DNAAF5: variants seen among roughly 807,000 people sequenced by gnomAD.
The protein encoded by DNAAF5 is HEAT repeat containing 2.
Under a neutral mutation model 75.8 loss-of-function variants are expected in DNAAF5, and 64 were observed. The ratio of observed to expected loss-of-function variants is 0.84; its 90% CI spans 0.69 to 1.04. The LOEUF (loss-of-function observed/expected upper bound fraction) is 1.04. Ranked by LOEUF, DNAAF5 falls within the 50% of genes least tolerant of loss-of-function variation. DNAAF5 has a pLI of 0.00. For missense variants in DNAAF5, 1,269 were observed against 1,178.5 expected, an observed-to-expected ratio of 1.08 and a Z score of -1.12; for synonymous variants, 657 against 557.2, an observed-to-expected ratio of 1.18 and a Z score of -2.52.
intron 2 of DNAAF5, among the ~76,000 whole-genome samples, chr7:740,394 GCTGT>G (rs1781866839): frequency 6.6e-6 from 1 of 152,200 alleles, no homozygotes; most frequent in Non-Finnish European, 1.5e-5. Flanking sequence ...CACCACACTT[GCTGT>G]AGCCACGGCT....
intron 7 of DNAAF5, among the ~76,000 whole-genome samples, chr7:762,128 C>T (rs1238155404): frequency 6.6e-6 from 1 of 152,168 alleles, no homozygotes; most frequent in Non-Finnish European, 1.5e-5. Context: ...TTAGGGTCTT[C>T]AGCAAAGAAG....
Position 754,081 on chromosome 7 carries a change from T to C in DNAAF5, c.1025-508T>C, listed in dbSNP as rs949098223. Among the ~76,000 whole-genome samples, 1 of 152,056 alleles carries C rather than the reference T, an allele frequency of 6.6e-6. No individual in the cohort carries two copies. The highest frequency in any genetic ancestry group is 1.5e-5 in the Non-Finnish European group (1 of 68,004). ...TCGCAGGCGTGTGTCTCTCTGATCA[T>C]AGGGGGACGGCTTCGCAGGCGTGTC... On this transcript the variant is annotated intron_variant, in intron 4 of 12. Coordinates refer to ENST00000297440, the MANE Select transcript of DNAAF5 (RefSeq NM_017802.4). The surrounding 1 kb of genome is among the most constrained non-coding windows in gnomAD (Gnocchi z 4.8).
chr7:763,575 C>T (rs1032499232), intron 7 of DNAAF5, among the ~76,000 whole-genome samples: 1 of 152,232 alleles, frequency 6.6e-6, no homozygotes, highest in Admixed American at 6.5e-5. Flanking sequence ...CTTCATGATT[C>T]GCTGCAGAGA....
Position 740,826 on chromosome 7 carries a change from G to T in DNAAF5, c.788G>T (p.Arg263Leu), listed in dbSNP as rs201059622. The change falls in exon 3 of 13, where the codon CGG becomes CTG. Residue 263 changes from arginine to leucine, a missense_variant. Transcript: ENST00000297440. ...CCTTCCTCTCATGCGCAGGTCCGGC[G>T]GGCGGTGGCCTCCGTGGTGGGCGGC... ...RLFDDVPQVRRAVASVVGGWL... is the reference protein window; with the variant it reads ...RLFDDVPQVRLAVASVVGGWL... 4 of 1,613,652 alleles carry T rather than the reference G, an allele frequency of 2.5e-6. No individual in the cohort carries two copies. In the African/African-American group the frequency reaches 5.3e-5, roughly 22 times the overall value.
intron 4 of DNAAF5, among the ~76,000 whole-genome samples, chr7:747,035 G>C (rs1782138652): frequency 6.6e-6 from 1 of 152,260 alleles, no homozygotes; most frequent in Non-Finnish European, 1.5e-5. Flanking sequence ...GTCACCAGCA[G>C]GGGCATATTC....
chr7:780,567 C>G (rs1466116554), intron 12 of DNAAF5, among the ~76,000 whole-genome samples: 2 of 152,244 alleles, frequency 1.3e-5, no homozygotes, highest in Non-Finnish European at 2.9e-5. Context: ...GTGTATGGCT[C>G]TGGCTGAAAT....
chr7:747,671 A>G lies in DNAAF5; in HGVS notation c.1024+6206A>G, dbSNP rs192883668. On this transcript the variant is annotated intron_variant, in intron 4 of 12. Transcript: ENST00000297440. ...AGTGTTGGTGGGGTTTGCTGGTTTCAGTGTGTCCGGCTGGTGTGCAGTGGT... is the reference window on the plus strand; with the variant it reads ...AGTGTTGGTGGGGTTTGCTGGTTTCGGTGTGTCCGGCTGGTGTGCAGTGGT... 2.6e-3 allele frequency among the ~76,000 whole-genome samples: 373 copies of G among 145,040 alleles called. 6 individuals are homozygous for G. Among genetic ancestry groups the G allele is most frequent in the African/African-American group, 8.9e-3 (344 of 38,652 alleles).
intron 4 of DNAAF5, among the ~76,000 whole-genome samples, chr7:747,308 C>T (rs1439789128): frequency 2.6e-5 from 4 of 152,202 alleles, no homozygotes; most frequent in African/African-American, 9.7e-5. Flanking sequence ...TTTAGTGTGT[C>T]GGTTGGTGTG....
intron 2 of DNAAF5, among the ~76,000 whole-genome samples, chr7:732,805 G>C (rs1377492360): frequency 6.6e-6 from 1 of 152,118 alleles, no homozygotes; most frequent in Admixed American, 6.6e-5. Flanking sequence ...ACTATTGATT[G>C]TTTTATTTGC....
chr7:754,887 G>A lies in DNAAF5; in HGVS notation c.1257+66G>A. 2 of 1,255,804 alleles carry A rather than the reference G, an allele frequency of 1.6e-6. No individual in the cohort carries two copies. Among genetic ancestry groups the A allele is most frequent in the South Asian group, 1.4e-5 (1 of 70,886 alleles). 77.8% of individuals were successfully genotyped at this position (1,255,804 alleles called of 1,614,324 possible). ...TCGAGCTTAAGATCCCGCCTCTGTG[G>A]TGTGCGGGGCCCGAGGCTGTACTGT... is the stretch of plus-strand genomic sequence containing the variant. On this transcript the variant is annotated intron_variant, in intron 5 of 12. Coordinates refer to ENST00000297440, the MANE Select transcript of DNAAF5 (RefSeq NM_017802.4). The surrounding 1 kb of genome is among the most constrained non-coding windows in gnomAD (Gnocchi z 4.8).
chr7:745,856 T>C (rs1782083800), intron 4 of DNAAF5, among the ~76,000 whole-genome samples: 1 of 152,238 alleles, frequency 6.6e-6, no homozygotes, highest in African/African-American at 2.4e-5. Flanking sequence ...GGAGGCTGCC[T>C]GATTTAGAAT....
intron 5 of DNAAF5, among the ~76,000 whole-genome samples, chr7:756,334 G>A (rs1304346167): frequency 1.4e-5 from 2 of 139,600 alleles, no homozygotes; most frequent in African/African-American, 2.7e-5. Context: ...ATCCGCTGTG[G>A]AATCCCACGG....
Position 763,916 on chromosome 7 carries a change from T to C in DNAAF5, c.1725T>C (p.Leu575=). 6.2e-7 allele frequency: 1 copy of C among 1,611,296 alleles called. No individual in the cohort carries two copies. The change falls in exon 8 of 13, where the codon CTT becomes CTC. Residue 575 remains leucine (L), a synonymous_variant. Transcript: ENST00000297440. The stretch of plus-strand genomic sequence containing the variant: ...TGGAGCGGGTGACCGCGTCGCACCT[T>C]GACTGGACCGCACACTCGCCGGAGC... ...PLLERVTASH[L]DWTAHSPELL...
At chr7:734,910 AGT>A (rs976852087) in intron 2 of DNAAF5, among the ~76,000 whole-genome samples, 55 of 149,820 alleles carry the variant, frequency 3.7e-4, no homozygotes, top group African/African-American at 1.1e-3. Context: ...TGTTGCTCAC[AGT>A]GTCGTTGCTC....
At position 754,921 on chromosome 7, in the gene DNAAF5, C is replaced by A; in HGVS notation, c.1257+100C>A. The A allele has an allele frequency of 1.1e-6, 1 of 899,630 alleles. No homozygotes were observed. The highest frequency in any genetic ancestry group is 1.7e-6 in the Non-Finnish European group (1 of 599,392). 55.7% of individuals were successfully genotyped at this position (899,630 alleles called of 1,614,324 possible). ...GCCCGAGGCTGTACTGTAGCCAAGA[C>A]AGCGTTCCCCTCACCCCCGGGCCGC... On this transcript the variant is annotated intron_variant, in intron 5 of 12. Coordinates refer to ENST00000297440, the MANE Select transcript of DNAAF5 (RefSeq NM_017802.4). This position sits in a 1 kb window ranked among gnomAD's most constrained non-coding sequence, Gnocchi z 4.8.
chr7:769,512 C>T (rs1353600498), intron 8 of DNAAF5, among the ~76,000 whole-genome samples: 1 of 151,918 alleles, frequency 6.6e-6, no homozygotes, highest in Non-Finnish European at 1.5e-5. Flanking sequence ...GAGCTTGGCC[C>T]TGAGTGTGGG....
At chr7:776,506 C>T (rs1778764672) in intron 11 of DNAAF5, among the ~76,000 whole-genome samples, 1 of 151,920 alleles carries the variant, frequency 6.6e-6, no homozygotes, top group South Asian at 2.1e-4. Context: ...AGCTTCCACG[C>T]GGCCGGGAAG....
chr7:755,927 G>A (rs534931086), intron 5 of DNAAF5, among the ~76,000 whole-genome samples: 5 of 152,208 alleles, frequency 3.3e-5, no homozygotes, highest in African/African-American at 7.2e-5. Flanking sequence ...TGTGGGATCC[G>A]CTGTGGAATC....
At chr7:735,336 C>G (rs1186777763) in intron 2 of DNAAF5, among the ~76,000 whole-genome samples, 1 of 148,394 alleles carries the variant, frequency 6.7e-6, no homozygotes, top group Non-Finnish European at 1.5e-5. Context: ...TGTAGCTGCT[C>G]ACGGTGTAGC....
Sources: gnomAD v4.1 joint callset for allele counts (sites outside exome capture counted in the v4.1 genomes callset) on GRCh38, gnomAD v4.1.1 for gene constraint, Gnocchi (gnomAD v3.1) non-coding constraint, MANE v1.5 for transcripts, NCBI Gene and HGNC (gene_info 2026-07-23, HGNC 2026-07-21) for gene names.